The following ATP6V1H variants were observed in gnomAD, a reference collection of about 807,000 sequenced individuals.
ATP6V1H encodes V-type proton ATPase subunit H.
A neutral mutation model predicts 71.7 loss-of-function variants in ATP6V1H; 39 were observed. The ratio of observed to expected loss-of-function variants is 0.54; its 90% confidence interval spans 0.42 to 0.71. The LOEUF is 0.71. ATP6V1H is among the 30% of genes least tolerant of loss of function. The probability of loss-of-function intolerance (pLI) is 0.00; values close to 1 mark genes in which losing one functional copy is unlikely to be tolerated. For synonymous variants in ATP6V1H, 192 were observed against 199.3 expected (o/e 0.96, Z 0.31); for missense variants, 509 against 594.9 (o/e 0.86, Z 1.50).
chr8:53,782,430 G>A (rs1253473590), intron 9 of ATP6V1H, among the ~76,000 whole-genome samples: 1 of 151,924 alleles, frequency 6.6e-6, no homozygotes, highest in East Asian at 1.9e-4. Flanking sequence ...ATCAGCTTAA[G>A]GAGATTTTGG....
chr8:53,794,468 C>T (rs1474414020), intron 9 of ATP6V1H, among the ~76,000 whole-genome samples: 1 of 152,098 alleles, frequency 6.6e-6, no homozygotes, highest in Non-Finnish European at 1.5e-5. Context: ...CTGGTTCAAG[C>T]GATTCTCCTG....
At chr8:53,818,121 A>G (rs1284676272) in intron 4 of ATP6V1H, among the ~76,000 whole-genome samples, 1 of 152,190 alleles carries the variant, frequency 6.6e-6, no homozygotes, top group Non-Finnish European at 1.5e-5. Flanking sequence ...CCTCTCATCT[A>G]AATTTTCTCT....
intron 13 of ATP6V1H, among the ~76,000 whole-genome samples, chr8:53,740,006 GGAGAAA>G (rs1807357833): frequency 6.6e-6 from 1 of 152,164 alleles, no homozygotes; most frequent in African/African-American, 2.4e-5. Flanking sequence ...ATGTGGAAGG[GGAGAAA>G]CGCTGGTATT....
intron 9 of ATP6V1H, among the ~76,000 whole-genome samples, chr8:53,773,181 T>C (rs1205234039): frequency 6.6e-6 from 1 of 152,206 alleles, no homozygotes; most frequent in Non-Finnish European, 1.5e-5. Flanking sequence ...AATAAAATAT[T>C]TGTGAACCTA....
At chr8:53,796,198 G>A (rs752107128) in intron 8 of ATP6V1H, among the ~76,000 whole-genome samples, 3 of 152,134 alleles carry the variant, frequency 2.0e-5, no homozygotes, top group Admixed American at 6.5e-5. Flanking sequence ...TAAGACCACC[G>A]ATAGCTTTAA....
At chr8:53,765,615 G>C (rs1359291843) in intron 11 of ATP6V1H, among the ~76,000 whole-genome samples, 3 of 151,924 alleles carry the variant, frequency 2.0e-5, no homozygotes, top group African/African-American at 7.3e-5. Context: ...AAAGCCAAAT[G>C]AAAGAAATCA....
At chr8:53,729,366 T>G (rs1806935676) in intron 13 of ATP6V1H, among the ~76,000 whole-genome samples, 2 of 152,166 alleles carry the variant, frequency 1.3e-5, no homozygotes, top group Non-Finnish European at 2.9e-5. Flanking sequence ...CCCAAGAGGC[T>G]ATATGAAGCA....
chr8:53,770,812 T>G (rs546480217), intron 10 of ATP6V1H, among the ~76,000 whole-genome samples: 1 of 152,364 alleles, frequency 6.6e-6, no homozygotes, highest in Admixed American at 6.5e-5. Context: ...AAATGATTAT[T>G]ACGGAGAACC....
At chr8:53,769,869 A>C (rs1439899102) in intron 10 of ATP6V1H, 126 bp from the exon 11 acceptor site, 12 of 778,298 alleles carry the variant, frequency 1.5e-5, no homozygotes, top group Non-Finnish European at 1.9e-5. Context: ...ACATTAAAAA[A>C]CTACCACCAA....
intron 13 of ATP6V1H, among the ~76,000 whole-genome samples, chr8:53,735,172 C>G (rs1807158245): frequency 6.6e-6 from 1 of 151,936 alleles, no homozygotes; most frequent in African/African-American, 2.4e-5. Flanking sequence ...CACAGAAATG[C>G]CAAAATGTGG....
intron 9 of ATP6V1H, among the ~76,000 whole-genome samples, chr8:53,776,528 C>G (rs1443940014): frequency 6.6e-6 from 1 of 152,254 alleles, no homozygotes; most frequent in Non-Finnish European, 1.5e-5. Flanking sequence ...AGCTGCTTCT[C>G]CCCACAGGAA....
chr8:53,795,378 G>C (rs1443473907), intron 9 of ATP6V1H, among the ~76,000 whole-genome samples: 1 of 151,998 alleles, frequency 6.6e-6, no homozygotes, highest in Non-Finnish European at 1.5e-5. Context: ...CAACAGAAAA[G>C]GACTTCCTCC....
chr8:53,801,291 T>C (rs1809901030), intron 8 of ATP6V1H, among the ~76,000 whole-genome samples: 1 of 152,234 alleles, frequency 6.6e-6, no homozygotes, highest in African/African-American at 2.4e-5. Context: ...AGATCTCTCA[T>C]GAACAAATAA....
chr8:53,781,539 G>GTT (rs1234484655), intron 9 of ATP6V1H, among the ~76,000 whole-genome samples: 3 of 152,142 alleles, frequency 2.0e-5, no homozygotes, highest in South Asian at 2.1e-4. Context: ...AAGTTCTTTA[G>GTT]TTTAATTAGA....
intron 12 of ATP6V1H, among the ~76,000 whole-genome samples, chr8:53,750,931 T>C (rs530619548): frequency 3.3e-5 from 5 of 152,142 alleles, no homozygotes; most frequent in South Asian, 2.1e-4. Flanking sequence ...GTGCTTACTA[T>C]GTAGCAAGCA....
chr8:53,793,442 C>A (rs1362818992), intron 9 of ATP6V1H, among the ~76,000 whole-genome samples: 6 of 152,022 alleles, frequency 3.9e-5, no homozygotes, highest in African/African-American at 1.4e-4. Flanking sequence ...AGTTCAACAT[C>A]ATCTTGGGCA....
intron 11 of ATP6V1H, among the ~76,000 whole-genome samples, chr8:53,765,096 T>A (rs998579695): frequency 4.6e-5 from 7 of 151,714 alleles, no homozygotes; most frequent in African/African-American, 1.7e-4. Flanking sequence ...CAGAGCTAGA[T>A]CCTGCCTCTT....
At chr8:53,804,414 C>A (rs577260904) in intron 7 of ATP6V1H, among the ~76,000 whole-genome samples, 2 of 152,296 alleles carry the variant, frequency 1.3e-5, no homozygotes, top group East Asian at 3.9e-4. Context: ...GTGGCTCACA[C>A]CTGTAACCCC....
chr8:53,763,813 G>A (rs1585759289), intron 11 of ATP6V1H, among the ~76,000 whole-genome samples: 1 of 152,210 alleles, frequency 6.6e-6, no homozygotes, highest in African/African-American at 2.4e-5. Flanking sequence ...GGGTGACAGA[G>A]AATCAAAGCT....
Sources: gnomAD v4.1 joint callset for allele counts (sites outside exome capture counted in the v4.1 genomes callset) on GRCh38, gnomAD v4.1.1 for gene constraint, MANE v1.5 for transcripts, NCBI Gene and HGNC (gene_info 2026-07-23, HGNC 2026-07-21) for gene names.